LRRC4C: variants seen among roughly 807,000 people sequenced by gnomAD.
LRRC4C encodes leucine-rich repeat-containing protein 4C.
A neutral mutation model predicts 33.6 loss-of-function variants in LRRC4C; 5 were observed. The ratio of observed to expected loss-of-function variants is 0.15; its 90% CI spans 0.08 to 0.31. The LOEUF (loss-of-function observed/expected upper bound fraction) is 0.31, where lower values mean the gene tolerates loss of function less well. LRRC4C is among the 10% of genes least tolerant of loss of function. The pLI, the probability that LRRC4C is intolerant of heterozygous loss-of-function variation, is 1.00. For missense variants in LRRC4C, 560 were observed against 796.7 expected, an observed-to-expected ratio of 0.70 and a Z score of 3.58; for synonymous variants, 329 against 302.0, an observed-to-expected ratio of 1.09 and a Z score of -0.93.
intron 2 of LRRC4C, among the ~76,000 whole-genome samples, chr11:40,756,410 C>T (rs1036284269): frequency 2.6e-5 from 4 of 152,034 alleles, no homozygotes; most frequent in Admixed American, 2.0e-4. Flanking sequence ...ATTGCATTTA[C>T]TATGCAGCAT....
intron 1 of LRRC4C, among the ~76,000 whole-genome samples, chr11:41,311,320 A>G (rs540488305): frequency 2.6e-5 from 4 of 152,304 alleles, no homozygotes; most frequent in Non-Finnish European, 5.9e-5. Flanking sequence ...TTTATTTTCT[A>G]TATGTCACAC....
intron 2 of LRRC4C, among the ~76,000 whole-genome samples, chr11:40,818,680 T>A (rs1012516175): frequency 6.6e-6 from 1 of 152,064 alleles, no homozygotes; most frequent in African/African-American, 2.4e-5. Flanking sequence ...AAACATATTA[T>A]TTTATATCGA....
chr11:40,597,010 C>T (rs1959400046), intron 3 of LRRC4C, among the ~76,000 whole-genome samples: 1 of 152,056 alleles, frequency 6.6e-6, no homozygotes, highest in Middle Eastern at 3.4e-3. Context: ...GTGATATTTA[C>T]AAAACTAAAA....
chr11:40,216,384 G>C (rs1198146974), intron 5 of LRRC4C, among the ~76,000 whole-genome samples: 1 of 152,222 alleles, frequency 6.6e-6, no homozygotes, highest in South Asian at 2.1e-4. Context: ...AGACTGATCT[G>C]ACCATTTCAT....
At chr11:40,687,927 T>C (rs181288882) in intron 2 of LRRC4C, among the ~76,000 whole-genome samples, 86 of 152,214 alleles carry the variant, frequency 5.6e-4, no homozygotes, top group African/African-American at 2.0e-3. Context: ...AAGATCATTA[T>C]CTTATTATAA....
At chr11:40,273,032 T>C (rs890641702) in intron 4 of LRRC4C, among the ~76,000 whole-genome samples, 1 of 152,172 alleles carries the variant, frequency 6.6e-6, no homozygotes, top group Non-Finnish European at 1.5e-5. Flanking sequence ...TAATGAGTTT[T>C]GCAAAATAAA....
At chr11:41,410,140 T>G (rs1954406891) in intron 1 of LRRC4C, among the ~76,000 whole-genome samples, 1 of 152,158 alleles carries the variant, frequency 6.6e-6, no homozygotes, top group Non-Finnish European at 1.5e-5. Flanking sequence ...CTGCACCGGC[T>G]TGGACCCAGT....
chr11:40,553,441 A>G (rs184800186), intron 3 of LRRC4C, among the ~76,000 whole-genome samples: 2 of 152,296 alleles, frequency 1.3e-5, no homozygotes, highest in East Asian at 1.9e-4. Context: ...TTGAGGTAAC[A>G]TAATTTTTTT....
At chr11:40,221,834 A>G (rs138055298) in intron 5 of LRRC4C, among the ~76,000 whole-genome samples, 55 of 152,112 alleles carry the variant, frequency 3.6e-4, no homozygotes, top group African/African-American at 1.3e-3. Flanking sequence ...TGCTCAATCG[A>G]TCACGACCCT....
intron 1 of LRRC4C, among the ~76,000 whole-genome samples, chr11:41,121,932 C>CAAA (rs5791421): frequency 6.7e-6 from 1 of 148,990 alleles, no homozygotes; most frequent in Admixed American, 6.7e-5. Context: ...ATTAGCAGTA[C>CAAA]AAAAAAAAAA....
At chr11:41,084,586 C>T (rs377508992) in intron 1 of LRRC4C, among the ~76,000 whole-genome samples, 10 of 152,202 alleles carry the variant, frequency 6.6e-5, no homozygotes, top group Admixed American at 2.0e-4. Flanking sequence ...CAGTGGCTCA[C>T]GCCTGTAATC....
At chr11:40,825,548 A>G (rs1323112717) in intron 2 of LRRC4C, among the ~76,000 whole-genome samples, 1 of 151,976 alleles carries the variant, frequency 6.6e-6, no homozygotes, top group African/African-American at 2.4e-5. Context: ...AATAAGGTAA[A>G]AGTCACTTTA....
chr11:41,230,600 T>G (rs1365987387), intron 1 of LRRC4C, among the ~76,000 whole-genome samples: 1 of 152,114 alleles, frequency 6.6e-6, no homozygotes, highest in Admixed American at 6.6e-5. Flanking sequence ...TCAGTTTTAT[T>G]GCTTCTAGTT....
At chr11:41,445,479 A>T (rs1450770495) in intron 1 of LRRC4C, among the ~76,000 whole-genome samples, 1 of 152,136 alleles carries the variant, frequency 6.6e-6, no homozygotes, top group Non-Finnish European at 1.5e-5. Flanking sequence ...ACTGGGAGAC[A>T]AAAGGAGTAA....
At chr11:41,121,148 T>C (rs1942407797) in intron 1 of LRRC4C, among the ~76,000 whole-genome samples, 1 of 152,232 alleles carries the variant, frequency 6.6e-6, no homozygotes, top group Admixed American at 6.5e-5. Context: ...TTAACCATGA[T>C]TTCCTCATAA....
chr11:40,727,741 A>C (rs1416626730), intron 2 of LRRC4C, among the ~76,000 whole-genome samples: 1 of 152,162 alleles, frequency 6.6e-6, no homozygotes, highest in Non-Finnish European at 1.5e-5. Flanking sequence ...AAGCAGGCAA[A>C]GAACATGTCA....
At chr11:40,412,490 T>G (rs1850213969) in intron 3 of LRRC4C, among the ~76,000 whole-genome samples, 1 of 152,078 alleles carries the variant, frequency 6.6e-6, no homozygotes, top group African/African-American at 2.4e-5. Flanking sequence ...ATGTAATGAT[T>G]TAGCAATTTT....
At chr11:41,332,574 C>T (rs1035450117) in intron 1 of LRRC4C, among the ~76,000 whole-genome samples, 1 of 152,142 alleles carries the variant, frequency 6.6e-6, no homozygotes, top group Non-Finnish European at 1.5e-5. Context: ...ACACTAAACT[C>T]TTTTCTTGCT....
intron 3 of LRRC4C, among the ~76,000 whole-genome samples, chr11:40,418,857 C>G (rs1950423198): frequency 6.6e-6 from 1 of 152,134 alleles, no homozygotes; most frequent in Non-Finnish European, 1.5e-5. Flanking sequence ...TTATCTTCAG[C>G]AAACTAATGC....
Sources: gnomAD v4.1 joint callset for allele counts (sites outside exome capture counted in the v4.1 genomes callset) on GRCh38, gnomAD v4.1.1 for gene constraint, MANE v1.5 for transcripts, NCBI Gene and HGNC (gene_info 2026-07-23, HGNC 2026-07-21) for gene names.